Variants in TMEM163 observed in about 807,000 individuals in gnomAD.
The protein encoded by TMEM163 is transmembrane protein 163.
A neutral mutation model predicts 29.3 loss-of-function variants in TMEM163; 17 were observed. The observed-to-expected ratio is 0.58, with a 90% CI of 0.40 to 0.87. TMEM163 has a LOEUF of 0.87. TMEM163 is among the 40% of genes least tolerant of loss of function. The pLI, the probability that TMEM163 is intolerant of heterozygous loss-of-function variation, is 0.00. For synonymous variants in TMEM163, 157 were observed against 160.6 expected, an observed-to-expected ratio of 0.98 and a Z score of 0.17; for missense variants, 303 against 381.5, an observed-to-expected ratio of 0.79 and a Z score of 1.71.
chr2:134,712,754 A>C (rs1465831680), intron 2 of TMEM163, among the ~76,000 whole-genome samples: 2 of 152,152 alleles, frequency 1.3e-5, no homozygotes, highest in Non-Finnish European at 2.9e-5. Flanking sequence ...CTTTCACTAA[A>C]GTGTGCATAG....
At chr2:134,593,525 T>G (rs1457668499) in intron 2 of TMEM163, among the ~76,000 whole-genome samples, 2 of 152,168 alleles carry the variant, frequency 1.3e-5, no homozygotes, top group African/African-American at 4.8e-5. Context: ...CAGTTTGATT[T>G]GGAGGAGATG....
At position 134,457,549 on chromosome 2, in the gene TMEM163, T is replaced by C. The variant is rs76344186; in HGVS notation, c.809+483A>G. Among the ~76,000 whole-genome samples the C allele has an allele frequency of 5.2e-3, 798 of 152,346 alleles. 11 individuals are homozygous for C. Among genetic ancestry groups the C allele is most frequent in the African/African-American group, 0.018 (739 of 41,578 alleles). The stretch of plus-strand genomic sequence containing the variant: ...GCTCCAGCCTGGGTGCTGAAGTCCA[T>C]GTCAGTGATGCCAGCACGGCCTTTC... On this transcript the variant is annotated intron_variant, in intron 7 of 7. Coordinates refer to ENST00000281924, the MANE Select transcript of TMEM163 (RefSeq NM_030923.5).
intron 4 of TMEM163, among the ~76,000 whole-genome samples, chr2:134,546,071 G>A (rs1418780561): frequency 1.3e-5 from 2 of 152,082 alleles, no homozygotes; most frequent in African/African-American, 4.8e-5. Context: ...CCACAGGAAA[G>A]TAACCAAATT....
intron 2 of TMEM163, among the ~76,000 whole-genome samples, chr2:134,586,413 G>A (rs1015957910): frequency 2.6e-5 from 4 of 152,186 alleles, no homozygotes; most frequent in Non-Finnish European, 5.9e-5. Flanking sequence ...GCATTCCTTG[G>A]CTTCTGCTGC....
intron 2 of TMEM163, among the ~76,000 whole-genome samples, chr2:134,569,697 C>T (rs1681378503): frequency 6.6e-6 from 1 of 152,150 alleles, no homozygotes; most frequent in Non-Finnish European, 1.5e-5. Flanking sequence ...AACCAACACT[C>T]AACTTCATGG....
chr2:134,471,279 A>AG (rs965073008), intron 5 of TMEM163, among the ~76,000 whole-genome samples: 11 of 152,212 alleles, frequency 7.2e-5, no homozygotes, highest in African/African-American at 2.7e-4. Flanking sequence ...GTATTTGGAG[A>AG]GGGGGCCTTT....
At chr2:134,534,274 T>TTA (rs1558936605) in intron 4 of TMEM163, among the ~76,000 whole-genome samples, 2 of 151,444 alleles carry the variant, frequency 1.3e-5, no homozygotes, top group Non-Finnish European at 2.9e-5. Context: ...TGGACTTTTT[T>TTA]AAAAAAAATG....
chr2:134,552,138 A>G, intron 2 of TMEM163, 47 bp from the exon 3 acceptor site: 1 of 1,483,226 alleles, frequency 6.7e-7, no homozygotes, highest in East Asian at 2.3e-5. Context: ...AACCTCTCTC[A>G]TTTTTGAGTA....
At chr2:134,512,159 C>T (rs1294450966) in intron 4 of TMEM163, among the ~76,000 whole-genome samples, 1 of 152,296 alleles carries the variant, frequency 6.6e-6, no homozygotes, top group Non-Finnish European at 1.5e-5. Context: ...TTAAATCACA[C>T]AAAAATATTC....
At chr2:134,693,805 G>A (rs1042729600) in intron 2 of TMEM163, among the ~76,000 whole-genome samples, 1 of 152,050 alleles carries the variant, frequency 6.6e-6, no homozygotes, top group African/African-American at 2.4e-5. Context: ...GACACCTTTA[G>A]GTCCAGACAA....
intron 5 of TMEM163, among the ~76,000 whole-genome samples, chr2:134,493,250 A>AT (rs1488631646): frequency 1.1e-4 from 16 of 149,542 alleles, no homozygotes; most frequent in African/African-American, 3.7e-4. Flanking sequence ...ATATATATAT[A>AT]TGCTGTCTGT....
At chr2:134,570,009 T>C (rs936886048) in intron 2 of TMEM163, among the ~76,000 whole-genome samples, 4 of 152,164 alleles carry the variant, frequency 2.6e-5, no homozygotes, top group Non-Finnish European at 5.9e-5. Context: ...TCAACCATCA[T>C]GGTATCTCAG....
intron 2 of TMEM163, among the ~76,000 whole-genome samples, chr2:134,598,487 A>G (rs954057): frequency 0.076 from 11,624 of 152,320 alleles, 520 homozygotes; most frequent in South Asian, 0.16. Flanking sequence ...AATAGAGGCC[A>G]CAGCTCTGCT....
chr2:134,639,524 T>C (rs1683182274), intron 2 of TMEM163, among the ~76,000 whole-genome samples: 1 of 152,168 alleles, frequency 6.6e-6, no homozygotes, highest in Admixed American at 6.5e-5. Context: ...CAATCCCCAA[T>C]GGTGTTTCTG....
At chr2:134,633,963 ATACATATATATATATATATAT>A (rs1683035821) in intron 2 of TMEM163, among the ~76,000 whole-genome samples, 3 of 85,050 alleles carry the variant, frequency 3.5e-5, no homozygotes, top group Admixed American at 3.1e-4. Flanking sequence ...CAAAAAAAAA[ATACATATATATATATATATAT>A]ATATATATAT....
intron 4 of TMEM163, among the ~76,000 whole-genome samples, chr2:134,531,235 G>A (rs921688696): frequency 6.6e-6 from 1 of 152,222 alleles, no homozygotes; most frequent in South Asian, 2.1e-4. Flanking sequence ...GAGGTGGTGT[G>A]TGGGTATGAG....
rs571222085 is a variant in TMEM163, at chr2:134,671,184, C to T, written c.322+42016G>A. Among the ~76,000 whole-genome samples, 6 of 152,316 alleles carry T rather than the reference C, an allele frequency of 3.9e-5. No individual in the cohort carries two copies. In the East Asian group the frequency reaches 9.6e-4, roughly 24 times the overall value. ...GAGCAAATAAGGCAAAGACTGGCACCTGGCCCGTAGTTCTCAGGCTCCCAA... is the reference window on the plus strand; with the variant it reads ...GAGCAAATAAGGCAAAGACTGGCACTTGGCCCGTAGTTCTCAGGCTCCCAA... On this transcript the variant is annotated intron_variant, in intron 2 of 7. Transcript: ENST00000281924.
Position 134,460,396 on chromosome 2 carries a change from C to T in TMEM163, c.668-2223G>A, listed in dbSNP as rs1257507923. ...CTCCACCCACCACTCCCTCCTGCCT[C>T]CAGCTAACAGGCGAGCTTTGCCATT... On this transcript the variant is annotated intron_variant, in intron 6 of 7. Transcript: ENST00000281924. The surrounding 1 kb of genome is among the most constrained non-coding windows in gnomAD (Gnocchi z 4.3). Among the ~76,000 whole-genome samples the T allele has an allele frequency of 1.3e-5, 2 of 152,146 alleles. No homozygotes were observed. Among genetic ancestry groups the T allele is most frequent in the East Asian group, 3.9e-4 (2 of 5,182 alleles).
intron 2 of TMEM163, among the ~76,000 whole-genome samples, chr2:134,567,505 A>G (rs1235275924): frequency 6.6e-6 from 1 of 152,196 alleles, no homozygotes; most frequent in Non-Finnish European, 1.5e-5. Flanking sequence ...CAGCCTGACC[A>G]ACATGGTGAA....
Sources: allele counts gnomAD v4.1 joint callset (sites outside exome capture counted in the v4.1 genomes callset), GRCh38; gene constraint gnomAD v4.1.1; non-coding constraint Gnocchi (gnomAD v3.1); transcripts MANE v1.5; gene names NCBI Gene and HGNC (gene_info 2026-07-23, HGNC 2026-07-21).